CORO2B: variants seen among roughly 807,000 people sequenced by gnomAD.
CORO2B encodes coronin 2B.
In CORO2B, 26 loss-of-function variants were observed where a neutral mutation model predicts 58.8. The observed-to-expected ratio is 0.44, with a 90% CI of 0.32 to 0.61. The LOEUF (loss-of-function observed/expected upper bound fraction) is 0.61, where lower values mean the gene tolerates loss of function less well. CORO2B is among the 20% of genes least tolerant of loss of function. The pLI is 0.04. For synonymous variants in CORO2B, 242 were observed against 253.8 expected (o/e 0.95, Z 0.44); for missense variants, 460 against 645.1 (o/e 0.71, Z 3.11).
At chr15:68,611,427 C>T (rs559960161) in intron 1 of CORO2B, among the ~76,000 whole-genome samples, 144 of 152,240 alleles carry the variant, frequency 9.5e-4, no homozygotes, top group Non-Finnish European at 1.0e-3. Context: ...CTGTATATGA[C>T]AATTTCCTAC....
At chr15:68,718,608 A>T in intron 8 of CORO2B, 90 bp from the exon 9 acceptor site, 1 of 1,145,180 alleles carries the variant, frequency 8.7e-7, no homozygotes, top group Non-Finnish European at 1.3e-6. Context: ...TACATTCCTC[A>T]GCCTTTCCCC....
chr15:68,594,682 C>T (rs1899784747), intron 1 of CORO2B, among the ~76,000 whole-genome samples: 1 of 152,184 alleles, frequency 6.6e-6, no homozygotes, highest in African/African-American at 2.4e-5. Flanking sequence ...AGAGCCACTT[C>T]CCATGTCTGC....
intron 2 of CORO2B, among the ~76,000 whole-genome samples, chr15:68,653,776 C>T (rs146602627): frequency 5.0e-4 from 76 of 152,064 alleles, no homozygotes; most frequent in African/African-American, 1.7e-3. Flanking sequence ...TTACCCAAAG[C>T]CTTCGTTCCC....
chr15:68,718,368 C>G (rs1893080316), intron 8 of CORO2B, among the ~76,000 whole-genome samples: 1 of 152,174 alleles, frequency 6.6e-6, no homozygotes, highest in Non-Finnish European at 1.5e-5. Flanking sequence ...CTTGGGTAAC[C>G]CCTTGCCCTC....
At chr15:68,634,286 C>G (rs890149303) in intron 1 of CORO2B, among the ~76,000 whole-genome samples, 4 of 152,140 alleles carry the variant, frequency 2.6e-5, no homozygotes, top group Non-Finnish European at 4.4e-5. Context: ...AGAAAGCCCT[C>G]GAGGGATGCA....
At chr15:68,577,604 C>T (rs1899311987), upstream of CORO2B, among the ~76,000 whole-genome samples, 3 of 151,924 alleles carry the variant, frequency 2.0e-5, no homozygotes, top group South Asian at 6.2e-4. Context: ...TCCTGTAGTC[C>T]CAGATCCTCG....
chr15:68,638,077 C>T (rs368753070), intron 1 of CORO2B, among the ~76,000 whole-genome samples: 25 of 152,172 alleles, frequency 1.6e-4, no homozygotes, highest in Non-Finnish European at 2.8e-4. Flanking sequence ...TTTTTCCTTC[C>T]GGGCCCTCCC....
At chr15:68,651,275 GT>G (rs1275538738) in intron 2 of CORO2B, among the ~76,000 whole-genome samples, 3 of 152,354 alleles carry the variant, frequency 2.0e-5, no homozygotes, top group Admixed American at 2.0e-4. Context: ...GCCCCCTGTG[GT>G]CAGGGCTGGG....
At chr15:68,555,283 T>C in the CORO2B span, among the ~76,000 whole-genome samples, 1 of 152,108 alleles carries the variant, frequency 6.6e-6, no homozygotes, top group African/African-American at 2.4e-5. Context: ...ACACAAACCC[T>C]CACTCCCTTC....
chr15:68,695,974 C>A (rs1008374209), intron 3 of CORO2B, among the ~76,000 whole-genome samples: 1 of 151,858 alleles, frequency 6.6e-6, no homozygotes, highest in African/African-American at 2.4e-5. Context: ...AGTGGGTTCA[C>A]GCCTGTAATC....
the CORO2B span, among the ~76,000 whole-genome samples, chr15:68,573,233 A>G: frequency 6.6e-6 from 1 of 152,144 alleles, no homozygotes. Context: ...GCATATGTGC[A>G]TTGTACAGAG....
the CORO2B span, among the ~76,000 whole-genome samples, chr15:68,519,888 T>G: frequency 3.3e-5 from 5 of 152,224 alleles, no homozygotes; most frequent in African/African-American, 1.2e-4. Context: ...GATTTCAGCC[T>G]TTCACTTTTT....
intron 3 of CORO2B, among the ~76,000 whole-genome samples, chr15:68,704,074 AC>A (rs1445837442): frequency 6.6e-6 from 1 of 150,766 alleles, no homozygotes; most frequent in Non-Finnish European, 1.5e-5. Context: ...ACACACACAC[AC>A]ACACAAATAC....
chr15:68,714,479 C>A, intron 6 of CORO2B, 80 bp from the exon 7 acceptor site: 1 of 1,080,502 alleles, frequency 9.3e-7, no homozygotes, highest in Non-Finnish European at 1.4e-6. Context: ...TAGTTGCCAT[C>A]CTAAGAGGCC....
At chr15:68,691,955 A>G (rs1892389123) in intron 2 of CORO2B, among the ~76,000 whole-genome samples, 3 of 152,202 alleles carry the variant, frequency 2.0e-5, no homozygotes. Context: ...GAACACTCCA[A>G]TGCAGCTTTT....
In CORO2B at chr15:68,711,544, C is replaced by T; in HGVS notation, c.486C>T (p.Val162=). 1.9e-6 allele frequency: 3 copies of T among 1,610,854 alleles called. No homozygotes were observed. Among genetic ancestry groups the T allele is most frequent in the Non-Finnish European group, 8.5e-7 (1 of 1,177,874 alleles). ...ILFSAGYDYK[V]LIWNLDVGEP... ...CTCCCATGCATCTGCCCTCGCAGGT[C>T]CTCATCTGGAACCTGGATGTGGGTG... Residue 162 remains valine (V), a splice_region_variant and synonymous_variant, in exon 5 of 12, where the codon GTC becomes GTT. Transcript: ENST00000261861.
intron 2 of CORO2B, among the ~76,000 whole-genome samples, chr15:68,686,716 T>C (rs1231233894): frequency 6.6e-6 from 1 of 151,988 alleles, no homozygotes; most frequent in Non-Finnish European, 1.5e-5. Flanking sequence ...CTGATCGACA[T>C]GGTGAAACCC....
chr15:68,725,227 G>A (rs565155631), intron 11 of CORO2B, among the ~76,000 whole-genome samples: 10 of 152,160 alleles, frequency 6.6e-5, no homozygotes, highest in African/African-American at 2.2e-4. Context: ...AAATTATCCA[G>A]GCATGGTGGC....
intron 1 of CORO2B, among the ~76,000 whole-genome samples, chr15:68,601,406 G>C (rs953837041): frequency 3.9e-5 from 6 of 152,214 alleles, no homozygotes; most frequent in Non-Finnish European, 7.3e-5. Context: ...TGTGCCTTTC[G>C]GTAGGCACCG....
Sources: gnomAD v4.1 joint callset for allele counts (sites outside exome capture counted in the v4.1 genomes callset) on GRCh38, gnomAD v4.1.1 for gene constraint, MANE v1.5 for transcripts, NCBI Gene and HGNC (gene_info 2026-07-23, HGNC 2026-07-21) for gene names.